Variants in HECW2 observed in about 807,000 individuals in gnomAD.
HECW2 encodes the protein E3 ubiquitin-protein ligase HECW2.
Under a neutral mutation model 175.2 loss-of-function variants are expected in HECW2, and 61 were observed. That is an observed-to-expected ratio of 0.35 (90% CI 0.28 to 0.43). The LOEUF is 0.43. Ranked by LOEUF, HECW2 falls within the 20% of genes least tolerant of loss-of-function variation. The pLI is 1.00. For missense variants in HECW2, 1,524 were observed against 2,000.5 expected (o/e 0.76, Z 4.54); for synonymous variants, 671 against 731.0 (o/e 0.92, Z 1.32).
chr2:196,267,562 T>C (rs918048225), intron 17 of HECW2, among the ~76,000 whole-genome samples: 8 of 151,888 alleles, frequency 5.3e-5, no homozygotes, highest in African/African-American at 1.9e-4. Context: ...AGCAACTTAG[T>C]ACCATTCACA....
chr2:196,519,860 G>A (rs1236927383), intron 1 of HECW2, among the ~76,000 whole-genome samples: 1 of 152,138 alleles, frequency 6.6e-6, no homozygotes, highest in African/African-American at 2.4e-5. Context: ...CATGCTCCAG[G>A]GGTAATCAAC....
At chr2:196,476,947 CAAAAAAAAAAA>C (rs35714216) in intron 1 of HECW2, among the ~76,000 whole-genome samples, 13 of 57,390 alleles carry the variant, frequency 2.3e-4, no homozygotes, top group African/African-American at 2.7e-4. Flanking sequence ...CCCATCTCCA[CAAAAAAAAAAA>C]AAAAAAAAAA....
chr2:196,248,292 G>C (rs1477566886), intron 19 of HECW2, among the ~76,000 whole-genome samples: 1 of 152,142 alleles, frequency 6.6e-6, no homozygotes, highest in Non-Finnish European at 1.5e-5. Context: ...CCAATAGCAG[G>C]CACCCTCTGA....
At chr2:196,204,024 T>G (rs561936314) in intron 28 of HECW2, among the ~76,000 whole-genome samples, 1 of 152,238 alleles carries the variant, frequency 6.6e-6, no homozygotes, top group Admixed American at 6.5e-5. Context: ...TGTTGTAGCA[T>G]GGGTCAGAAT....
chr2:196,418,134 C>CT (rs531703855), intron 2 of HECW2, among the ~76,000 whole-genome samples: 5,525 of 145,208 alleles, frequency 0.038, 135 homozygotes, highest in Middle Eastern at 0.091. Context: ...ATGATCACTT[C>CT]TTTTTTTTTT....
At chr2:196,558,174 A>G (rs1689873484) in intron 1 of HECW2, among the ~76,000 whole-genome samples, 1 of 152,240 alleles carries the variant, frequency 6.6e-6, no homozygotes, top group African/African-American at 2.4e-5. Context: ...AACATTTTCT[A>G]AACAGCAACC....
intron 14 of HECW2, among the ~76,000 whole-genome samples, chr2:196,283,084 C>A (rs1006240061): frequency 2.0e-5 from 3 of 151,568 alleles, no homozygotes; most frequent in South Asian, 2.1e-4. Context: ...CATGATGAAA[C>A]CTCGTCTCTA....
chr2:196,409,512 C>T (rs1695052172), intron 2 of HECW2, among the ~76,000 whole-genome samples: 1 of 152,128 alleles, frequency 6.6e-6, no homozygotes, highest in African/African-American at 2.4e-5. Flanking sequence ...TCTGCTAGAC[C>T]ACAGTCTAGT....
intron 16 of HECW2, among the ~76,000 whole-genome samples, chr2:196,272,300 C>T (rs923163442): frequency 6.6e-6 from 1 of 152,120 alleles, no homozygotes; most frequent in Non-Finnish European, 1.5e-5. Context: ...TTAGAAAAAT[C>T]TAAATCCCAG....
intron 1 of HECW2, among the ~76,000 whole-genome samples, chr2:196,522,514 T>TG (rs1688441370): frequency 6.6e-6 from 1 of 151,566 alleles, no homozygotes; most frequent in African/African-American, 2.4e-5. Context: ...TGGCTTTTGT[T>TG]GCCATTGCTT....
At chr2:196,332,793 C>T (rs1692415080) in intron 4 of HECW2, among the ~76,000 whole-genome samples, 1 of 152,084 alleles carries the variant, frequency 6.6e-6, no homozygotes, top group Admixed American at 6.6e-5. Flanking sequence ...TTGTAACTTT[C>T]CGTTTTTAGA....
intron 18 of HECW2, among the ~76,000 whole-genome samples, chr2:196,254,288 G>A (rs1376163818): frequency 6.6e-6 from 1 of 152,146 alleles, no homozygotes; most frequent in Non-Finnish European, 1.5e-5. Context: ...ATGAGTTTGA[G>A]TGTACATGTT....
intron 1 of HECW2, among the ~76,000 whole-genome samples, chr2:196,461,570 C>T (rs1696744731): frequency 6.6e-6 from 1 of 152,136 alleles, no homozygotes; most frequent in Non-Finnish European, 1.5e-5. Context: ...TCAAGAACTG[C>T]CCAAGACTGG....
intron 9 of HECW2, among the ~76,000 whole-genome samples, chr2:196,317,900 T>G (rs1691763909): frequency 6.6e-6 from 1 of 152,216 alleles, no homozygotes. Context: ...ATTTCAGGTG[T>G]AAATTTGTGT....
chr2:196,234,856 C>CA (rs1453284363), intron 21 of HECW2, among the ~76,000 whole-genome samples: 4 of 152,150 alleles, frequency 2.6e-5, no homozygotes, highest in Non-Finnish European at 5.9e-5. Context: ...GCCACTCCAC[C>CA]ACTGCCGATC....
rs188890551 is a variant in HECW2, at chr2:196,393,873, A to G, written c.292+39259T>C. On this transcript the variant is annotated intron_variant, in intron 2 of 28. Coordinates refer to ENST00000644978, the MANE Select transcript of HECW2 (RefSeq NM_001348768.2). Reference sequence around the variant, plus strand: ...GGACACATATGTTTATTGCGGCACTATTCACAATAGCAAAGACTTGGAACC... The same window carrying G: ...GGACACATATGTTTATTGCGGCACTGTTCACAATAGCAAAGACTTGGAACC... Among the ~76,000 whole-genome samples, 8 of 152,354 alleles carry G rather than the reference A, an allele frequency of 5.3e-5. No individual in the cohort carries two copies. In the East Asian group the frequency reaches 1.5e-3, roughly 29 times the overall value.
chr2:196,222,112 G>A (rs546094621), intron 24 of HECW2, 99 bp downstream of exon 24: 10 of 1,079,042 alleles, frequency 9.3e-6, no homozygotes, highest in East Asian at 7.5e-5. Context: ...AATAAACCAC[G>A]AATAAATAAG....
chr2:196,210,077 A>G (rs781035413), intron 28 of HECW2, among the ~76,000 whole-genome samples: 1 of 152,056 alleles, frequency 6.6e-6, no homozygotes, highest in Non-Finnish European at 1.5e-5. Flanking sequence ...TTTTCTTTTA[A>G]TTGAGGAAAG....
chr2:196,368,096 T>G (rs141700375), intron 2 of HECW2, among the ~76,000 whole-genome samples: 3 of 152,284 alleles, frequency 2.0e-5, no homozygotes, highest in Non-Finnish European at 4.4e-5. Context: ...AGTGCAGATA[T>G]CTCTTCGATA....
Sources: allele counts gnomAD v4.1 joint callset (sites outside exome capture counted in the v4.1 genomes callset), GRCh38; gene constraint gnomAD v4.1.1; transcripts MANE v1.5; gene names NCBI Gene and HGNC (gene_info 2026-07-23, HGNC 2026-07-21).